The following CYLC2 variants were observed in gnomAD, a reference collection of about 807,000 sequenced individuals.
CYLC2 encodes cylicin-2.
In CYLC2, 30 loss-of-function variants were observed where a neutral mutation model predicts 26.1. That is an observed-to-expected ratio of 1.15 (90% CI 0.86 to 1.56). The LOEUF is 1.56. Among genes scored for constraint, CYLC2 ranks in the 40% most tolerant of loss-of-function variants. The pLI is 0.00. For missense variants in CYLC2, 498 were observed against 394.4 expected (o/e 1.26, Z -2.23); for synonymous variants, 158 against 132.8 (o/e 1.19, Z -1.31).
At chr9:103,001,073 C>G (rs1303051059) in intron 1 of CYLC2, among the ~76,000 whole-genome samples, 1 of 151,892 alleles carries the variant, frequency 6.6e-6, no homozygotes, top group East Asian at 2.0e-4. Flanking sequence ...TTCACAGGTG[C>G]ACATATAGGC....
Position 103,004,836 on chromosome 9 carries a change from G to T in CYLC2, c.322G>T (p.Asp108Tyr). 1 of 1,609,882 alleles carries T rather than the reference G, an allele frequency of 6.2e-7. No individual in the cohort carries two copies. Among genetic ancestry groups the T allele is most frequent in the South Asian group, 1.1e-5 (1 of 89,934 alleles). The change falls in exon 4 of 8, where the codon GAT becomes TAT. Residue 108 changes from aspartate to tyrosine, a missense_variant. Physicochemically the swap from Asp to Tyr is radical, Grantham distance 160. Transcript: ENST00000374798. ...CAAACCAACTCGTACTGTCGAGGTG[G>T]ATTCTAAAGCAGCAGGTAGAGATAA... ...PLKPTRTVEV[D>Y]SKAAEIGKKG...
At chr9:102,997,490 T>C (rs1361196835) in intron 1 of CYLC2, among the ~76,000 whole-genome samples, 1 of 151,940 alleles carries the variant, frequency 6.6e-6, no homozygotes, top group African/African-American at 2.4e-5. Flanking sequence ...CTGGGGCAGT[T>C]GACCTTGCCT....
intron 2 of CYLC2, 140 bp downstream of exon 2, chr9:103,001,758 C>T (rs1351954442): frequency 1.7e-6 from 1 of 585,622 alleles, no homozygotes; most frequent in East Asian, 2.9e-5. Flanking sequence ...ACCTTTCTTA[C>T]AGGCCCAGTG....
chr9:102,996,668 T>A (rs1325087752), intron 1 of CYLC2, among the ~76,000 whole-genome samples: 2 of 152,018 alleles, frequency 1.3e-5, no homozygotes, highest in Non-Finnish European at 2.9e-5. Context: ...ACTCCATTTG[T>A]CTTTTCACTG....
At chr9:103,013,684 A>G (rs1009659901) in intron 6 of CYLC2, among the ~76,000 whole-genome samples, 1 of 111,542 alleles carries the variant, frequency 9.0e-6, no homozygotes, top group Non-Finnish European at 1.6e-5. Context: ...TATATATGAT[A>G]TATAATATAT....
chr9:102,997,584 A>T (rs1279031469), intron 1 of CYLC2, among the ~76,000 whole-genome samples: 1 of 151,902 alleles, frequency 6.6e-6, no homozygotes, highest in Non-Finnish European at 1.5e-5. Flanking sequence ...CATGTCTTTT[A>T]TGGTCTTCTT....
intron 1 of CYLC2, among the ~76,000 whole-genome samples, chr9:102,998,779 T>G (rs1049513118): frequency 2.0e-5 from 3 of 151,966 alleles, no homozygotes; most frequent in Admixed American, 1.3e-4. Context: ...CAATCCAACT[T>G]GCTTTTCTCC....
intron 6 of CYLC2, among the ~76,000 whole-genome samples, chr9:103,012,400 A>G (rs1829416834): frequency 6.6e-6 from 1 of 152,062 alleles, no homozygotes; most frequent in South Asian, 2.1e-4. Flanking sequence ...CACCAGATAA[A>G]ATAATTCCGG....
intron 2 of CYLC2, among the ~76,000 whole-genome samples, chr9:103,002,374 T>A (rs1829297384): frequency 7.3e-6 from 1 of 137,266 alleles, no homozygotes; most frequent in East Asian, 2.1e-4. Context: ...TTTTTTTTTT[T>A]TTTTTTTTTG....
chr9:103,011,522 G>C (rs767929760), intron 5 of CYLC2, among the ~76,000 whole-genome samples: 10 of 152,006 alleles, frequency 6.6e-5, no homozygotes, highest in African/African-American at 2.2e-4. Context: ...AACCACATGA[G>C]TGACAAAAAT....
intron 1 of CYLC2, among the ~76,000 whole-genome samples, chr9:103,000,655 T>A (rs913489934): frequency 2.0e-5 from 3 of 152,220 alleles, no homozygotes; most frequent in African/African-American, 7.2e-5. Context: ...TTTATGCTGC[T>A]AGCTTCATTC....
chr9:103,011,093 G>C (rs1383840568), intron 5 of CYLC2, among the ~76,000 whole-genome samples: 1 of 151,988 alleles, frequency 6.6e-6, no homozygotes, highest in Non-Finnish European at 1.5e-5. Flanking sequence ...TCCAAGATAA[G>C]GACTTCCTTG....
At chr9:102,998,178 C>T (rs1829255688) in intron 1 of CYLC2, among the ~76,000 whole-genome samples, 1 of 151,782 alleles carries the variant, frequency 6.6e-6, no homozygotes, top group Non-Finnish European at 1.5e-5. Flanking sequence ...TACTGTGTTT[C>T]CTTATATATA....
At chr9:103,011,534 G>A (rs1393476656) in intron 5 of CYLC2, among the ~76,000 whole-genome samples, 1 of 151,988 alleles carries the variant, frequency 6.6e-6, no homozygotes. Context: ...GACAAAAATG[G>A]GGTCCAAGTG....
chr9:102,999,280 T>G (rs1829265645), intron 1 of CYLC2, among the ~76,000 whole-genome samples: 1 of 151,906 alleles, frequency 6.6e-6, no homozygotes, highest in African/African-American at 2.4e-5. Context: ...ATATACTTCA[T>G]TTAAACTATT....
chr9:103,016,414 C>T (rs1456944553), intron 6 of CYLC2, among the ~76,000 whole-genome samples: 2 of 151,968 alleles, frequency 1.3e-5, no homozygotes, highest in Non-Finnish European at 2.9e-5. Flanking sequence ...GCCTGCTGCT[C>T]TTTCTAGACA....
intron 6 of CYLC2, among the ~76,000 whole-genome samples, chr9:103,016,613 T>G (rs563380486): frequency 6.6e-6 from 1 of 152,140 alleles, no homozygotes; most frequent in African/African-American, 2.4e-5. Flanking sequence ...AGTGACCTAT[T>G]AATTTCAGGT....
At chr9:102,998,927 A>G (rs1174904889) in intron 1 of CYLC2, among the ~76,000 whole-genome samples, 1 of 151,892 alleles carries the variant, frequency 6.6e-6, no homozygotes, top group African/African-American at 2.4e-5. Context: ...TAAAGTTTCT[A>G]TATTGCACAT....
rs201304746 is a variant in CYLC2, at chr9:103,006,017, G to GACAC, written c.*391_*394dup. The GACAC allele has an allele frequency of 0.052, 6,263 of 119,758 alleles. 280 individuals are homozygous for GACAC. The highest frequency in any genetic ancestry group is 0.056 in the Non-Finnish European group (3,326 of 59,924). 7.4% of individuals were successfully genotyped at this position (119,758 alleles called of 1,614,324 possible). A position where few individuals can be genotyped will look rare whatever the true frequency, so the allele number is the denominator to read the frequency against. On this transcript the variant is annotated 3_prime_UTR_variant, in exon 5 of 8. Coordinates refer to ENST00000374798, the MANE Select transcript of CYLC2 (RefSeq NM_001340.5). The stretch of plus-strand genomic sequence containing the variant: ...TGAAGATAATGACACTAAATCTATG[G>GACAC]ACACACACACACACACACACACACA...
Sources: gnomAD v4.1 joint callset for allele counts (sites outside exome capture counted in the v4.1 genomes callset) on GRCh38, gnomAD v4.1.1 for gene constraint, MANE v1.5 for transcripts, NCBI Gene and HGNC (gene_info 2026-07-23, HGNC 2026-07-21) for gene names.